TJP1: variants seen among roughly 807,000 people sequenced by gnomAD.
The protein encoded by TJP1 is tight junction protein 1, also known as tight junction protein ZO-1.
A neutral mutation model predicts 194.2 loss-of-function variants in TJP1; 43 were observed. The ratio of observed to expected loss-of-function variants is 0.22; its 90% CI spans 0.17 to 0.29. TJP1 has a LOEUF of 0.29. TJP1 is among the 10% of genes least tolerant of loss of function. The pLI, the probability that TJP1 is intolerant of heterozygous loss-of-function variation, is 1.00. For synonymous variants in TJP1, 801 were observed against 779.0 expected (o/e 1.03, Z -0.47); for missense variants, 1,971 against 2,185.7 (o/e 0.90, Z 1.96).
chr15:29,801,460 A>ATTTTT (rs2048776136), intron 1 of TJP1, among the ~76,000 whole-genome samples: 1 of 113,162 alleles, frequency 8.8e-6, no homozygotes, highest in Admixed American at 1.2e-4. Context: ...AAAATAAATT[A>ATTTTT]TTATTTTTTT....
Position 29,726,437 on chromosome 15 carries a change from G to A in TJP1, c.2354C>T (p.Ala785Val), listed in dbSNP as rs1256764836. 9.3e-6 allele frequency: 15 copies of A among 1,613,884 alleles called. No homozygotes were observed. The highest frequency in any genetic ancestry group is 5.0e-5 in the Admixed American group (3 of 59,972). Reference sequence around the variant, plus strand: ...CTGTTGTTGAATTGCTTCTTTCAGCGCACCATACCAACCATCATTCATTGA... The same window carrying A: ...CTGTTGTTGAATTGCTTCTTTCAGCACACCATACCAACCATCATTCATTGA... Reference protein sequence around the residue: ...LNSMNDGWYGALKEAIQQQQN... With the variant: ...LNSMNDGWYGVLKEAIQQQQN... Residue 785 changes from alanine (A) to valine (V), a missense_variant, in exon 18 of 28, where the codon GCG (alanine) becomes GTG (valine). By Grantham distance (64) the Ala-to-Val change is moderately conservative. Around this residue, in one of 5 missense-constraint regions of TJP1, gnomAD observed 402 missense variants for 484.2 expected, o/e 0.83. Coordinates refer to ENST00000614355, the MANE Select transcript of TJP1 (RefSeq NM_001330239.4).
intron 2 of TJP1, among the ~76,000 whole-genome samples, chr15:29,909,317 G>A (rs988576142): frequency 2.3e-5 from 3 of 131,576 alleles, no homozygotes; most frequent in East Asian, 2.3e-4. Flanking sequence ...CAGCCTGGGC[G>A]ACAGAGCATG....
At chr15:29,870,267 C>A (rs1034719983) in intron 2 of TJP1, among the ~76,000 whole-genome samples, 2 of 151,748 alleles carry the variant, frequency 1.3e-5, no homozygotes, top group Non-Finnish European at 2.9e-5. Flanking sequence ...TACTAGTGGG[C>A]AGGTTAAAGA....
intron 2 of TJP1, among the ~76,000 whole-genome samples, chr15:29,872,329 T>C (rs989033296): frequency 1.1e-4 from 17 of 152,176 alleles, no homozygotes; most frequent in African/African-American, 2.4e-5. Context: ...TCAGACATGA[T>C]GATGAAGAGC....
intron 1 of TJP1, among the ~76,000 whole-genome samples, chr15:29,962,950 G>C (rs1272027087): frequency 6.6e-6 from 1 of 152,154 alleles, no homozygotes; most frequent in African/African-American, 2.4e-5. Flanking sequence ...GACCAGCCTG[G>C]CCAACATGGT....
chr15:29,888,034 C>T (rs977296323), intron 2 of TJP1, among the ~76,000 whole-genome samples: 3 of 151,796 alleles, frequency 2.0e-5, no homozygotes, highest in Middle Eastern at 3.4e-3. Context: ...AAAACTGAAA[C>T]GATCTAAAAG....
intron 1 of TJP1, among the ~76,000 whole-genome samples, chr15:29,966,925 T>C (rs1472570361): frequency 2.0e-5 from 3 of 152,188 alleles, no homozygotes; most frequent in Non-Finnish European, 2.9e-5. Flanking sequence ...TCTTCATTTA[T>C]TTGCTAACAT....
intron 2 of TJP1, among the ~76,000 whole-genome samples, chr15:29,854,139 G>A (rs2051754058): frequency 1.3e-5 from 2 of 152,166 alleles, no homozygotes; most frequent in African/African-American, 2.4e-5. Flanking sequence ...CTAAATCCAT[G>A]TGCAAAATGT....
At chr15:29,699,531 GTGTT>G (rs2041419415), downstream of TJP1, 1 of 152,192 alleles carries the variant, frequency 6.6e-6, no homozygotes, top group African/African-American at 2.4e-5. Context: ...TAAACAGTAT[GTGTT>G]TGTCAAAATT....
chr15:29,824,100 A>C (rs1195462371), upstream of TJP1: 8 of 142,446 alleles, frequency 5.6e-5, no homozygotes, highest in African/African-American at 2.2e-4. Flanking sequence ...AAAAAAAAAA[A>C]AAAAAAAAAA....
In TJP1 at chr15:29,798,597, G is replaced by C. The variant is rs45501794; in HGVS notation, c.84+2049C>G. Among the ~76,000 whole-genome samples, 59 of 152,270 alleles carry C rather than the reference G, an allele frequency of 3.9e-4. No individual in the cohort carries two copies. In the East Asian group the frequency reaches 0.011, roughly 29 times the overall value. ...TTATACACTGCCAGTGGTGGTGTTA[G>C]ATGGTACAGAGAATTTGACCATTTC... is the stretch of plus-strand genomic sequence containing the variant. On this transcript the variant is annotated intron_variant, in intron 2 of 27. Coordinates refer to ENST00000614355, the MANE Select transcript of TJP1 (RefSeq NM_001330239.4).
At chr15:29,959,157 T>C (rs1398008746) in intron 1 of TJP1, among the ~76,000 whole-genome samples, 3 of 151,804 alleles carry the variant, frequency 2.0e-5, no homozygotes, top group Non-Finnish European at 4.4e-5. Flanking sequence ...ACCTGACTAA[T>C]TTTCTGTATT....
chr15:29,949,626 C>A, intron 2 of TJP1, among the ~76,000 whole-genome samples: 1 of 134,788 alleles, frequency 7.4e-6, no homozygotes, highest in East Asian at 2.8e-4. Flanking sequence ...ACCACCACCT[C>A]CACCTCCACC....
At chr15:29,803,248 G>T (rs531705523) in intron 1 of TJP1, among the ~76,000 whole-genome samples, 1 of 152,198 alleles carries the variant, frequency 6.6e-6, no homozygotes, top group East Asian at 1.9e-4. Context: ...ATTCCTATTT[G>T]ACATTTCGAA....
chr15:29,800,754 AATAAG>A, intron 1 of TJP1, 52 bp from the exon 2 acceptor site: 1 of 1,574,316 alleles, frequency 6.4e-7, no homozygotes. Context: ...AAATGTCCTT[AATAAG>A]GTGAGCAAGA....
intron 2 of TJP1, among the ~76,000 whole-genome samples, chr15:29,910,150 T>C (rs1294080068): frequency 6.6e-6 from 1 of 152,206 alleles, no homozygotes; most frequent in Non-Finnish European, 1.5e-5. Flanking sequence ...TCTAAATTGA[T>C]ATCTAACACC....
chr15:29,709,005 G>A lies in TJP1; in HGVS notation c.4404C>T (p.Ser1468=), dbSNP rs1397219389. 21 of 1,612,024 alleles carry A rather than the reference G, an allele frequency of 1.3e-5. No homozygotes were observed. The highest frequency in any genetic ancestry group is 1.7e-5 in the Non-Finnish European group (20 of 1,179,192). ...GAGGTGGGTCTGGTTTGGACACTAA[G>A]GAATTCTGAAAATCCAATGACACTG... ...GNSVSLDFQN[S]LVSKPDPPPS... is the part of the protein sequence containing the mutation. The change falls in exon 25 of 28, where the codon TCC becomes TCT. Residue 1468 remains serine (S), a synonymous_variant. Coordinates refer to ENST00000614355, the MANE Select transcript of TJP1 (RefSeq NM_001330239.4).
At chr15:29,913,016 T>C (rs1302761596) in intron 2 of TJP1, among the ~76,000 whole-genome samples, 1 of 152,068 alleles carries the variant, frequency 6.6e-6, no homozygotes, top group Non-Finnish European at 1.5e-5. Context: ...ACAACAACCA[T>C]TTCATCAGAG....
chr15:29,938,504 A>C (rs1243577216), intron 2 of TJP1, among the ~76,000 whole-genome samples: 1 of 152,220 alleles, frequency 6.6e-6, no homozygotes, highest in Non-Finnish European at 1.5e-5. Context: ...TTACTTGCAG[A>C]AAGTAAACAA....
Sources: allele counts gnomAD v4.1 joint callset (sites outside exome capture counted in the v4.1 genomes callset), GRCh38; gene constraint gnomAD v4.1.1; regional missense constraint gnomAD v4.1.1; transcripts MANE v1.5; gene names NCBI Gene and HGNC (gene_info 2026-07-23, HGNC 2026-07-21).